ARHGAP20: variants seen among roughly 807,000 people sequenced by gnomAD.
ARHGAP20 encodes rho GTPase-activating protein 20.
ARHGAP20 carries 34 observed loss-of-function variants against 73.7 expected under a neutral mutation model. The ratio of observed to expected loss-of-function variants is 0.46; its 90% CI spans 0.35 to 0.61. The LOEUF (loss-of-function observed/expected upper bound fraction) is 0.61. Ranked by LOEUF, ARHGAP20 falls within the 20% of genes least tolerant of loss-of-function variation. The pLI is 0.00. For synonymous variants in ARHGAP20, 523 were observed against 518.2 expected (o/e 1.01, Z -0.13); for missense variants, 1,314 against 1,420.9 (o/e 0.92, Z 1.21).
chr11:110,707,629 C>T (rs1478077497), intron 1 of ARHGAP20, among the ~76,000 whole-genome samples: 1 of 152,042 alleles, frequency 6.6e-6, no homozygotes, highest in Non-Finnish European at 1.5e-5. Flanking sequence ...ACTTCATTTA[C>T]AGCATCTACA....
chr11:110,629,988 T>A lies in ARHGAP20; in HGVS notation c.353+640A>T, dbSNP rs535016115. On this transcript the variant is annotated intron_variant, in intron 3 of 14. Coordinates refer to ENST00000683387, the MANE Select transcript of ARHGAP20 (RefSeq NM_001384657.1). Reference sequence around the variant, plus strand: ...GGGTAATTTGTTAAATGGCAATAGATAATCAATATAGCCTACACAGGTCCT... The same window carrying A: ...GGGTAATTTGTTAAATGGCAATAGAAAATCAATATAGCCTACACAGGTCCT... Among the ~76,000 whole-genome samples, 92 of 152,368 alleles carry A rather than the reference T, an allele frequency of 6.0e-4. 1 individual carries two copies. The highest frequency in any genetic ancestry group is 1.2e-3 in the Non-Finnish European group (79 of 68,040).
chr11:110,587,614 C>T (rs1947704954), intron 11 of ARHGAP20, among the ~76,000 whole-genome samples: 1 of 152,180 alleles, frequency 6.6e-6, no homozygotes, highest in Non-Finnish European at 1.5e-5. Context: ...CAAGCACAGT[C>T]CTAGCCATAG....
intron 2 of ARHGAP20, among the ~76,000 whole-genome samples, chr11:110,631,720 G>A (rs1188945513): frequency 2.0e-5 from 3 of 152,076 alleles, no homozygotes; most frequent in Non-Finnish European, 4.4e-5. Flanking sequence ...CTTCCCTTCT[G>A]GATGGTGGCT....
chr11:110,630,510 A>T (rs552733659), intron 3 of ARHGAP20, 118 bp downstream of exon 3: 2 of 1,072,930 alleles, frequency 1.9e-6, no homozygotes, highest in East Asian at 4.8e-5. Flanking sequence ...ATCACTTTAG[A>T]TATTACCTAT....
chr11:110,666,850 T>C (rs1706068250), intron 2 of ARHGAP20, among the ~76,000 whole-genome samples: 1 of 152,244 alleles, frequency 6.6e-6, no homozygotes, highest in Admixed American at 6.5e-5. Flanking sequence ...ATAGCCTTAT[T>C]GCTGATACGG....
At chr11:110,627,865 T>C (rs1323447214) in intron 3 of ARHGAP20, among the ~76,000 whole-genome samples, 1 of 152,230 alleles carries the variant, frequency 6.6e-6, no homozygotes, top group East Asian at 1.9e-4. Context: ...ATGATTTTAT[T>C]GGAAAAGTAA....
At chr11:110,656,795 G>T (rs543856070) in intron 2 of ARHGAP20, among the ~76,000 whole-genome samples, 6 of 152,134 alleles carry the variant, frequency 3.9e-5, no homozygotes, top group Non-Finnish European at 8.8e-5. Flanking sequence ...ATCAGTGGAG[G>T]CCCATGGAAA....
intron 2 of ARHGAP20, among the ~76,000 whole-genome samples, chr11:110,669,664 A>AAT (rs1197303612): frequency 1.3e-4 from 20 of 152,200 alleles, no homozygotes; most frequent in Admixed American, 3.9e-4. Context: ...GACCAGAGCA[A>AAT]GTGTTGACGA....
intron 2 of ARHGAP20, among the ~76,000 whole-genome samples, chr11:110,681,595 T>C (rs774028842): frequency 3.9e-5 from 6 of 152,188 alleles, no homozygotes; most frequent in African/African-American, 7.2e-5. Flanking sequence ...CATTCGAAAG[T>C]ATGATAAGCT....
rs564825135 is a variant in ARHGAP20 at position 110,627,412 on chromosome 11, C to T, written c.354-3101G>A. 1.9e-3 allele frequency among the ~76,000 whole-genome samples: 284 copies of T among 152,104 alleles called. 4 individuals carry two copies. The highest frequency in any genetic ancestry group is 6.4e-3 in the African/African-American group (267 of 41,500). ...CTGGCCAAATTCTTTATTTTGACAACGTAGTCCCTTATTACAAATTTATTA... is the reference window on the plus strand; with the variant it reads ...CTGGCCAAATTCTTTATTTTGACAATGTAGTCCCTTATTACAAATTTATTA... On this transcript the variant is annotated intron_variant, in intron 3 of 14. Transcript: ENST00000683387.
chr11:110,581,370 G>A, intron 14 of ARHGAP20, 145 bp from the exon 15 acceptor site: 1 of 987,562 alleles, frequency 1.0e-6, no homozygotes, highest in Admixed American at 3.0e-5. Context: ...TCAATTGTTA[G>A]TGAAGAATAA....
intron 8 of ARHGAP20, 147 bp from the exon 9 acceptor site, chr11:110,606,896 T>C: frequency 4.4e-6 from 3 of 682,974 alleles, no homozygotes; most frequent in Non-Finnish European, 6.5e-6. Context: ...TTTACACTCT[T>C]ACAGTTGGAG....
intron 9 of ARHGAP20, among the ~76,000 whole-genome samples, chr11:110,596,076 A>G (rs11213494): frequency 0.18 from 27,647 of 152,038 alleles, 2,817 homozygotes; most frequent in East Asian, 0.31. Context: ...GGTGCTGGGA[A>G]AACTGGCTAG....
At chr11:110,671,229 G>GAA (rs537884414) in intron 2 of ARHGAP20, among the ~76,000 whole-genome samples, 1 of 147,452 alleles carries the variant, frequency 6.8e-6, no homozygotes, top group African/African-American at 2.5e-5. Flanking sequence ...CTAAAACAAA[G>GAA]AAAAAAAAAC....
chr11:110,676,817 G>GTT (rs11419580), intron 2 of ARHGAP20, among the ~76,000 whole-genome samples: 8 of 149,682 alleles, frequency 5.3e-5, no homozygotes, highest in African/African-American at 1.7e-4. Flanking sequence ...CCTCAAATAA[G>GTT]TTTTTTTTTT....
rs1435433263 is a variant in ARHGAP20, at chr11:110,577,445, G to T, written c.*1925C>A. The T allele has an allele frequency of 6.5e-6, 7 of 1,076,096 alleles. No homozygotes were observed. Among genetic ancestry groups the T allele is most frequent in the Non-Finnish European group, 5.6e-6 (5 of 890,324 alleles). The allele number at this position is 1,076,096 out of a possible 1,614,324, so 66.7% of individuals were successfully genotyped here. ...TATTTTCTTCTATGCTTCAAATTGG[G>T]TGAATGATTTTTTACCTGCTAACAT... On this transcript the variant is annotated 3_prime_UTR_variant, in exon 15 of 15. Transcript: ENST00000683387.
At chr11:110,581,955 T>C (rs564163690) in intron 14 of ARHGAP20, among the ~76,000 whole-genome samples, 5 of 150,270 alleles carry the variant, frequency 3.3e-5, no homozygotes, top group Admixed American at 1.3e-4. Flanking sequence ...AAAACATTCA[T>C]GCCTCTACTA....
chr11:110,581,239 TA>T lies in ARHGAP20; in HGVS notation c.1721-15del, dbSNP rs1947459995. On this transcript the variant is annotated splice_polypyrimidine_tract_variant and intron_variant, in intron 14 of 14. Coordinates refer to ENST00000683387, the MANE Select transcript of ARHGAP20 (RefSeq NM_001384657.1). ...AGCAAGAAATATCTGTCAAAAAAAT[TA>T]AACCATGATTAACATATTTACTTAC... 1.3e-6 allele frequency: 2 copies of T among 1,591,710 alleles called. No individual in the cohort carries two copies. The highest frequency in any genetic ancestry group is 3.6e-5 in the Admixed American group (2 of 56,156).
rs1413422408 is a variant in ARHGAP20 at position 110,578,539 on chromosome 11, C to T, written c.*831G>A. 45 of 985,252 alleles carry T rather than the reference C, an allele frequency of 4.6e-5. No homozygotes were observed. Among genetic ancestry groups the T allele is most frequent in the Non-Finnish European group, 5.3e-5 (44 of 829,934 alleles). 61.0% of individuals were successfully genotyped at this position (985,252 alleles called of 1,614,324 possible). On this transcript the variant is annotated 3_prime_UTR_variant, in exon 15 of 15. Transcript: ENST00000683387. Reference sequence around the variant, plus strand: ...CCTCCATATTGAGAGTGAACGCTGTCAGGAGGTCACCTTCTAAATAGAAGA... The same window carrying T: ...CCTCCATATTGAGAGTGAACGCTGTTAGGAGGTCACCTTCTAAATAGAAGA...
Sources: gnomAD v4.1 joint callset for allele counts (sites outside exome capture counted in the v4.1 genomes callset) on GRCh38, gnomAD v4.1.1 for gene constraint, MANE v1.5 for transcripts, NCBI Gene and HGNC (gene_info 2026-07-23, HGNC 2026-07-21) for gene names.